The following CHLSN variants were observed in gnomAD, a reference collection of about 807,000 sequenced individuals.
CHLSN encodes the protein protein cholesin.
chr7:1,038,833 G>A, the CHLSN span, among the ~76,000 whole-genome samples: 1 of 54,884 alleles, frequency 1.8e-5, no homozygotes, highest in Admixed American at 1.5e-4. Flanking sequence ...GGAGGGAGGT[G>A]GGGGGGTCAG....
the CHLSN span, among the ~76,000 whole-genome samples, chr7:1,044,067 C>T: frequency 6.6e-6 from 1 of 152,174 alleles, no homozygotes; most frequent in African/African-American, 2.4e-5. Context: ...GTGAGTGTTC[C>T]GTTTACAAAG....
At chr7:1,090,066 CA>C in the CHLSN span, among the ~76,000 whole-genome samples, 72 of 134,852 alleles carry the variant, frequency 5.3e-4, no homozygotes, top group Non-Finnish European at 3.9e-4. Flanking sequence ...CCTGGGTGAC[CA>C]AAAAAAAAAA....
chr7:1,018,432 C>G, the CHLSN span, among the ~76,000 whole-genome samples: 1 of 152,140 alleles, frequency 6.6e-6, no homozygotes, highest in Non-Finnish European at 1.5e-5. Context: ...AGCCTGGCCC[C>G]GAGCAGAGAG....
the CHLSN span, among the ~76,000 whole-genome samples, chr7:1,117,309 C>A: frequency 1.7e-5 from 1 of 57,192 alleles, no homozygotes; most frequent in Non-Finnish European, 3.2e-5. Flanking sequence ...ATCACTACAG[C>A]TCTACAGACC....
the CHLSN span, among the ~76,000 whole-genome samples, chr7:1,065,664 G>A: frequency 6.6e-6 from 1 of 152,206 alleles, no homozygotes; most frequent in African/African-American, 2.4e-5. Context: ...GAGGGCGTGG[G>A]CCAGGGAGGG....
the CHLSN span, among the ~76,000 whole-genome samples, chr7:1,016,859 A>AG: frequency 5.7e-5 from 3 of 52,638 alleles, no homozygotes; most frequent in African/African-American, 1.3e-4. Flanking sequence ...ACAGCAGCAC[A>AG]CAGCACACAG....
the CHLSN span, chr7:984,431 C>T: frequency 1.2e-5 from 19 of 1,548,520 alleles, no homozygotes; most frequent in Non-Finnish European, 1.4e-5. Flanking sequence ...CGCTACGGGC[C>T]GGTGTTCACC....
the CHLSN span, chr7:1,058,477 G>A: frequency 2.6e-6 from 2 of 780,266 alleles, no homozygotes; most frequent in Non-Finnish European, 4.8e-6. Context: ...GACCGGCACT[G>A]CTCCCCGGAC....
the CHLSN span, chr7:1,137,306 G>T: frequency 6.6e-6 from 1 of 152,450 alleles, no homozygotes; most frequent in South Asian, 2.1e-4. Flanking sequence ...TCTTCTCCAT[G>T]GCACTTACCA....
the CHLSN span, chr7:1,093,247 G>A: frequency 2.1e-6 from 1 of 470,824 alleles, no homozygotes; most frequent in African/African-American, 2.0e-5. Flanking sequence ...AAGCGCCTCA[G>A]TTACACAGGA....
chr7:1,066,011 G>A, the CHLSN span, among the ~76,000 whole-genome samples: 10 of 152,238 alleles, frequency 6.6e-5, no homozygotes, highest in Non-Finnish European at 1.3e-4. Flanking sequence ...GGACCAGAGC[G>A]CCTGGACCAG....
chr7:1,072,035 G>A, the CHLSN span, among the ~76,000 whole-genome samples: 8 of 152,332 alleles, frequency 5.3e-5, no homozygotes, highest in East Asian at 1.9e-4. Context: ...GGGGAAGAGC[G>A]GGGAGGGGCC....
At chr7:1,043,129 G>A in the CHLSN span, among the ~76,000 whole-genome samples, 4 of 151,330 alleles carry the variant, frequency 2.6e-5, no homozygotes, top group Non-Finnish European at 4.4e-5. Flanking sequence ...ATGGTGGCAC[G>A]CACCTGTAAT....
chr7:988,908 G>C, the CHLSN span: 3,461 of 844,252 alleles, frequency 4.1e-3, 89 homozygotes, highest in African/African-American at 0.057. Flanking sequence ...CCCACAGCTC[G>C]GACTGCTCTG....
the CHLSN span, among the ~76,000 whole-genome samples, chr7:1,037,302 G>A: frequency 1.2e-4 from 16 of 136,500 alleles, 1 homozygote; most frequent in Admixed American, 3.0e-4. Flanking sequence ...AGGAAGATGC[G>A]GAGCCGAAGC....
At chr7:1,127,618 G>A in the CHLSN span, among the ~76,000 whole-genome samples, 40 of 151,218 alleles carry the variant, frequency 2.6e-4, no homozygotes, top group Non-Finnish European at 4.1e-4. Flanking sequence ...TTGAGTCAGG[G>A]CCTCACTCTG....
chr7:1,038,677 T>C, the CHLSN span, among the ~76,000 whole-genome samples: 65 of 105,142 alleles, frequency 6.2e-4, no homozygotes, highest in African/African-American at 1.7e-3. Flanking sequence ...GCCCCCCGCC[T>C]GGCCAGCCGC....
chr7:1,129,772 T>C, the CHLSN span, among the ~76,000 whole-genome samples: 1 of 152,240 alleles, frequency 6.6e-6, no homozygotes, highest in Non-Finnish European at 1.5e-5. Context: ...AGTGTTTTTA[T>C]TTAACATAGC....
At chr7:1,036,173 C>T in the CHLSN span, among the ~76,000 whole-genome samples, 2 of 152,198 alleles carry the variant, frequency 1.3e-5, no homozygotes, top group Admixed American at 1.3e-4. Context: ...GCGTGTGGTG[C>T]TGTAACAGTG....
Sources: allele counts gnomAD v4.1 joint callset (sites outside exome capture counted in the v4.1 genomes callset), GRCh38; gene constraint gnomAD v4.1.1; transcripts MANE v1.5; gene names NCBI Gene and HGNC (gene_info 2026-07-23, HGNC 2026-07-21).